CHN2: variants seen among roughly 807,000 people sequenced by gnomAD.
The protein encoded by CHN2 is beta-chimaerin.
CHN2 carries 35 observed loss-of-function variants against 56.3 expected under a neutral mutation model. The observed-to-expected ratio is 0.62, with a 90% CI of 0.47 to 0.82. The LOEUF (loss-of-function observed/expected upper bound fraction) is 0.82. Among genes scored for constraint, CHN2 ranks in the 40% least tolerant of loss-of-function variants. CHN2 has a pLI of 0.00. For missense variants in CHN2, 491 were observed against 580.5 expected, an observed-to-expected ratio of 0.85 and a Z score of 1.58; for synonymous variants, 210 against 212.8, an observed-to-expected ratio of 0.99 and a Z score of 0.12.
chr7:29,187,315 T>C (rs1584639416), intron 2 of CHN2, among the ~76,000 whole-genome samples: 2 of 152,104 alleles, frequency 1.3e-5, no homozygotes, highest in Non-Finnish European at 2.9e-5. Context: ...TGTAAGACAT[T>C]ATCATCTAGT....
chr7:29,324,211 A>G (rs1336556924), intron 1 of CHN2, among the ~76,000 whole-genome samples: 1 of 152,130 alleles, frequency 6.6e-6, no homozygotes, highest in Non-Finnish European at 1.5e-5. Flanking sequence ...TAGTGATGCT[A>G]TTTGCAGGAG....
At chr7:29,405,221 A>ACACACACACACACACACG (rs1802552624) in intron 6 of CHN2, among the ~76,000 whole-genome samples, 1 of 141,424 alleles carries the variant, frequency 7.1e-6, no homozygotes, top group Non-Finnish European at 1.5e-5. Context: ...ACACACACAC[A>ACACACACACACACACACG]CGGCAGTTCC....
chr7:29,265,638 G>A (rs1257854396), intron 1 of CHN2, among the ~76,000 whole-genome samples: 5 of 152,254 alleles, frequency 3.3e-5, no homozygotes, highest in East Asian at 3.9e-4. Context: ...TACTTTCTTG[G>A]AGGCAGGAGG....
At chr7:29,320,524 C>T (rs565107925) in intron 1 of CHN2, among the ~76,000 whole-genome samples, 2 of 152,176 alleles carry the variant, frequency 1.3e-5, no homozygotes, top group African/African-American at 4.8e-5. Context: ...AGAGAGAAAC[C>T]CGAGTAAATA....
chr7:29,296,114 C>T (rs1468970008), intron 1 of CHN2, among the ~76,000 whole-genome samples: 6 of 150,534 alleles, frequency 4.0e-5, no homozygotes, highest in Non-Finnish European at 5.9e-5. Flanking sequence ...GACAGAGTCT[C>T]GCTCTGTCGC....
intron 2 of CHN2, chr7:29,184,667 C>T (rs1798491284): frequency 6.6e-6 from 1 of 152,118 alleles, no homozygotes; most frequent in African/African-American, 2.4e-5. Flanking sequence ...GTGATGGGGC[C>T]CATCTACATA....
intron 1 of CHN2, among the ~76,000 whole-genome samples, chr7:29,331,178 G>A (rs991551309): frequency 2.0e-5 from 3 of 152,182 alleles, no homozygotes; most frequent in Non-Finnish European, 2.9e-5. Context: ...AGGGGGTGAC[G>A]GAGGACATCT....
At chr7:29,493,044 A>G (rs756391735) in intron 7 of CHN2, among the ~76,000 whole-genome samples, 1 of 152,218 alleles carries the variant, frequency 6.6e-6, no homozygotes, top group Non-Finnish European at 1.5e-5. Context: ...AGAATGAACC[A>G]CATATATCAT....
intron 7 of CHN2, among the ~76,000 whole-genome samples, chr7:29,483,200 T>C (rs1310652616): frequency 6.6e-6 from 1 of 152,124 alleles, no homozygotes; most frequent in Non-Finnish European, 1.5e-5. Flanking sequence ...AACAAGATTG[T>C]TTGCCCCAGT....
At chr7:29,392,891 T>C (rs1008750193) in intron 3 of CHN2, among the ~76,000 whole-genome samples, 3 of 152,240 alleles carry the variant, frequency 2.0e-5, no homozygotes, top group African/African-American at 7.2e-5. Context: ...CATAACTTAA[T>C]GTGGCTCTAC....
rs960938022 is a variant in CHN2, at chr7:29,398,070, G to T, written c.177-303G>T. 29 of 212,062 alleles carry T rather than the reference G, an allele frequency of 1.4e-4. 3 individuals are homozygous for T. The Admixed American group carries it at 1.6e-3, about 11-fold the overall frequency. The allele number at this position is 212,062 out of a possible 1,614,324, so 13.1% of individuals were successfully genotyped here. On this transcript the variant is annotated intron_variant, in intron 4 of 12. Transcript: ENST00000222792. ...ATGGTTAAAAAAAAGGGGGGGGGGG[G>T]GCGGTGGTTGAGTAACCTGGCTTTT... is the stretch of plus-strand genomic sequence containing the variant.
chr7:29,342,241 C>T (rs1336080080), intron 1 of CHN2, among the ~76,000 whole-genome samples: 1 of 152,076 alleles, frequency 6.6e-6, no homozygotes, highest in Non-Finnish European at 1.5e-5. Flanking sequence ...GATGGATGAA[C>T]AGATGAATGG....
intron 1 of CHN2, among the ~76,000 whole-genome samples, chr7:29,283,690 C>T (rs1219876779): frequency 6.6e-6 from 1 of 152,064 alleles, no homozygotes; most frequent in Non-Finnish European, 1.5e-5. Flanking sequence ...ACAATCTTGG[C>T]TCACCACAAC....
intron 1 of CHN2, among the ~76,000 whole-genome samples, chr7:29,321,166 A>G (rs1020177119): frequency 6.6e-6 from 1 of 152,224 alleles, no homozygotes; most frequent in African/African-American, 2.4e-5. Flanking sequence ...ATTCTGGGTT[A>G]TCTGTGCATT....
chr7:29,425,395 G>A (rs1378745995), intron 6 of CHN2, among the ~76,000 whole-genome samples: 1 of 152,220 alleles, frequency 6.6e-6, no homozygotes, highest in South Asian at 2.1e-4. Context: ...AGAGGACATG[G>A]AGCATGATTG....
At chr7:29,410,557 A>T (rs1172277435) in intron 6 of CHN2, among the ~76,000 whole-genome samples, 1 of 152,134 alleles carries the variant, frequency 6.6e-6, no homozygotes, top group Non-Finnish European at 1.5e-5. Flanking sequence ...GTTGAAATAG[A>T]GACTCTTGTT....
chr7:29,216,577 C>T (rs1235390287), intron 1 of CHN2, among the ~76,000 whole-genome samples: 1 of 152,210 alleles, frequency 6.6e-6, no homozygotes, highest in African/African-American at 2.4e-5. Context: ...TTCTTGCCTC[C>T]TTGAGGCTGA....
At chr7:29,479,305 G>T (rs764925706) in intron 6 of CHN2, among the ~76,000 whole-genome samples, 3 of 152,194 alleles carry the variant, frequency 2.0e-5, no homozygotes, top group Non-Finnish European at 4.4e-5. Flanking sequence ...ATGATGTTTT[G>T]ATTTTAGGTA....
At chr7:29,325,993 C>T (rs1028193924) in intron 1 of CHN2, among the ~76,000 whole-genome samples, 4 of 152,206 alleles carry the variant, frequency 2.6e-5, no homozygotes, top group African/African-American at 9.7e-5. Flanking sequence ...TTTAAATCAT[C>T]TGTAAGGTCA....
Sources: allele counts gnomAD v4.1 joint callset (sites outside exome capture counted in the v4.1 genomes callset), GRCh38; gene constraint gnomAD v4.1.1; transcripts MANE v1.5; gene names NCBI Gene and HGNC (gene_info 2026-07-23, HGNC 2026-07-21).